Variants in RASSF8 observed in about 807,000 individuals in gnomAD.
RASSF8 encodes the protein ras association domain-containing protein 8.
In RASSF8, 22 loss-of-function variants were observed where a neutral mutation model predicts 48.5. The observed-to-expected ratio is 0.45, with a 90% CI of 0.32 to 0.65. The LOEUF is 0.65. Among genes scored for constraint, RASSF8 ranks in the 30% least tolerant of loss-of-function variants. RASSF8 has a pLI of 0.03. For missense variants in RASSF8, 418 were observed against 489.2 expected, an observed-to-expected ratio of 0.85 and a Z score of 1.37; for synonymous variants, 127 against 171.5, an observed-to-expected ratio of 0.74 and a Z score of 2.03.
At chr12:25,994,201 G>A (rs555093375) in intron 1 of RASSF8, among the ~76,000 whole-genome samples, 239 of 152,024 alleles carry the variant, frequency 1.6e-3, no homozygotes, top group African/African-American at 5.6e-3. Context: ...TCATGACTAG[G>A]AAATTTAAGG....
At chr12:26,073,010 G>T (rs766690522), downstream of RASSF8, 1 of 214,764 alleles carries the variant, frequency 4.7e-6, no homozygotes, top group Non-Finnish European at 8.0e-6. Flanking sequence ...ATCATCTACT[G>T]CTCCAAAGAT....
intron 4 of RASSF8, among the ~76,000 whole-genome samples, chr12:26,065,855 T>A (rs1943862120): frequency 6.6e-6 from 1 of 152,224 alleles, no homozygotes; most frequent in African/African-American, 2.4e-5. Flanking sequence ...TTTGCTTTCC[T>A]GAGAGAGGCA....
At chr12:26,036,698 A>G (rs1943158308) in intron 2 of RASSF8, among the ~76,000 whole-genome samples, 1 of 152,100 alleles carries the variant, frequency 6.6e-6, no homozygotes, top group African/African-American at 2.4e-5. Flanking sequence ...ACCTGAGGTC[A>G]GGAGTTCAAG....
At chr12:25,994,089 C>T (rs1942075830) in intron 1 of RASSF8, among the ~76,000 whole-genome samples, 2 of 152,252 alleles carry the variant, frequency 1.3e-5, no homozygotes, top group South Asian at 4.1e-4. Flanking sequence ...CTTTCCCCTT[C>T]CTCAGTGGTG....
intron 2 of RASSF8, among the ~76,000 whole-genome samples, chr12:26,008,998 G>T (rs56303890): frequency 5.7e-4 from 87 of 152,200 alleles, no homozygotes; most frequent in Non-Finnish European, 7.9e-4. Context: ...TTGACTTCCA[G>T]ATCAGTCCAG....
At chr12:26,010,105 G>T (rs1433528565) in intron 2 of RASSF8, among the ~76,000 whole-genome samples, 1 of 152,198 alleles carries the variant, frequency 6.6e-6, no homozygotes, top group South Asian at 2.1e-4. Context: ...ACGTGCCATG[G>T]CCCAGGAATG....
At chr12:26,016,984 G>A (rs1180015054) in intron 2 of RASSF8, among the ~76,000 whole-genome samples, 1 of 151,754 alleles carries the variant, frequency 6.6e-6, no homozygotes, top group African/African-American at 2.4e-5. Flanking sequence ...AAATTTATTT[G>A]CTTCATGTTT....
At chr12:26,026,693 C>T (rs1044523737) in intron 2 of RASSF8, among the ~76,000 whole-genome samples, 1 of 152,120 alleles carries the variant, frequency 6.6e-6, no homozygotes, top group East Asian at 1.9e-4. Flanking sequence ...ACCTCGGCCC[C>T]CCAAAGTGCT....
intron 2 of RASSF8, among the ~76,000 whole-genome samples, chr12:25,999,710 A>G (rs1478801158): frequency 2.0e-5 from 3 of 152,242 alleles, no homozygotes; most frequent in Admixed American, 6.5e-5. Flanking sequence ...TTATTTGCAG[A>G]TAATAAAAAG....
chr12:26,063,038 G>T (rs1232779532), intron 3 of RASSF8, among the ~76,000 whole-genome samples: 1 of 152,038 alleles, frequency 6.6e-6, no homozygotes, highest in East Asian at 1.9e-4. Context: ...TACATACATG[G>T]GTGTTGATAT....
exon 6 of RASSF8, chr12:26,079,178 G>C: frequency 1.3e-6 from 1 of 745,472 alleles, no homozygotes; most frequent in Non-Finnish European, 2.1e-6. Context: ...AAAATGAAAA[G>C]GTGGACTGTA....
chr12:25,994,253 G>GT (rs1942079426), intron 1 of RASSF8, among the ~76,000 whole-genome samples: 2 of 138,104 alleles, frequency 1.4e-5, no homozygotes, highest in South Asian at 5.2e-4. Flanking sequence ...CATAATAAAA[G>GT]TAGTTTGATG....
At chr12:26,075,648 T>C (rs534226828), downstream of RASSF8, among the ~76,000 whole-genome samples, 22 of 152,310 alleles carry the variant, frequency 1.4e-4, no homozygotes, top group African/African-American at 5.3e-4. Context: ...ACAGTACAAA[T>C]TCCGTGTACA....
chr12:25,980,059 A>G (rs1420054831), intron 1 of RASSF8, among the ~76,000 whole-genome samples: 1 of 152,252 alleles, frequency 6.6e-6, no homozygotes, highest in African/African-American at 2.4e-5. Context: ...ATGAGAAACT[A>G]GCTCCTATCC....
At chr12:26,028,867 T>C (rs1462845028) in intron 2 of RASSF8, among the ~76,000 whole-genome samples, 2 of 152,240 alleles carry the variant, frequency 1.3e-5, no homozygotes, top group African/African-American at 2.4e-5. Context: ...TCTCCAATTC[T>C]ATTGTAAAAG....
At chr12:26,000,938 T>C (rs543833030) in intron 2 of RASSF8, among the ~76,000 whole-genome samples, 7 of 151,966 alleles carry the variant, frequency 4.6e-5, no homozygotes, top group African/African-American at 1.7e-4. Flanking sequence ...CTGTAAACTT[T>C]GTAAACACTG....
chr12:26,013,604 A>T (rs1051928839), intron 2 of RASSF8, among the ~76,000 whole-genome samples: 4 of 150,254 alleles, frequency 2.7e-5, no homozygotes, highest in African/African-American at 9.8e-5. Flanking sequence ...ATAATATTGT[A>T]CAACTTGTTT....
chr12:26,057,375 G>A (rs903083642), intron 3 of RASSF8, among the ~76,000 whole-genome samples: 1 of 152,138 alleles, frequency 6.6e-6, no homozygotes, highest in Admixed American at 6.5e-5. Flanking sequence ...AGAACATGTG[G>A]TGTTTGGTTT....
intron 1 of RASSF8, among the ~76,000 whole-genome samples, chr12:25,971,506 G>A (rs1166177109): frequency 6.6e-6 from 1 of 152,012 alleles, no homozygotes; most frequent in Non-Finnish European, 1.5e-5. Context: ...TGTTCTGGTC[G>A]GTCATTAATG....
Sources: gnomAD v4.1 joint callset for allele counts (sites outside exome capture counted in the v4.1 genomes callset) on GRCh38, gnomAD v4.1.1 for gene constraint, MANE v1.5 for transcripts, NCBI Gene and HGNC (gene_info 2026-07-23, HGNC 2026-07-21) for gene names.